ITGA11: variants seen among roughly 807,000 people sequenced by gnomAD.
ITGA11 encodes the protein integrin alpha-11.
A neutral mutation model predicts 141.9 loss-of-function variants in ITGA11; 97 were observed. The observed-to-expected ratio is 0.68, with a 90% CI of 0.58 to 0.81. The LOEUF (loss-of-function observed/expected upper bound fraction) is 0.81. Ranked by LOEUF, ITGA11 falls within the 30% of genes least tolerant of loss-of-function variation. ITGA11 has a pLI of 0.00. For missense variants in ITGA11, 1,387 were observed against 1,559.2 expected (o/e 0.89, Z 1.86); for synonymous variants, 658 against 624.6 (o/e 1.05, Z -0.80).
In ITGA11 at chr15:68,350,707, G is replaced by C. The variant is rs1894880107; in HGVS notation, c.970C>G (p.Pro324Ala). The stretch of plus-strand genomic sequence containing the variant: ...ACATTGAAGAAGTGCTTGTCATCAG[G>C]GTCACTGGCGATGTATTTGATTTCA... ...LNEIKYIASD[P>A]DDKHFFNVTD... The change falls in exon 9 of 30, where the codon CCT becomes GCT. Residue 324 changes from proline to alanine, a missense_variant. Transcript: ENST00000315757. The C allele has an allele frequency of 6.2e-7, 1 of 1,613,774 alleles. No homozygotes were observed. Among genetic ancestry groups the C allele is most frequent in the Non-Finnish European group, 8.5e-7 (1 of 1,179,844 alleles).
intron 20 of ITGA11, among the ~76,000 whole-genome samples, chr15:68,318,898 T>C (rs1441744815): frequency 1.3e-5 from 2 of 152,166 alleles, no homozygotes; most frequent in Non-Finnish European, 2.9e-5. Flanking sequence ...ACACATGACA[T>C]TGATGTCTGA....
intron 20 of ITGA11, among the ~76,000 whole-genome samples, chr15:68,318,573 G>A (rs1893676382): frequency 6.6e-6 from 1 of 152,208 alleles, no homozygotes; most frequent in African/African-American, 2.4e-5. Flanking sequence ...AACTGTGGCT[G>A]CAGATAGGCC....
chr15:68,398,855 A>C (rs1174343871), intron 2 of ITGA11, among the ~76,000 whole-genome samples: 1 of 149,650 alleles, frequency 6.7e-6, no homozygotes, highest in African/African-American at 2.4e-5. Context: ...TTATTAATGC[A>C]ATAAGAGATG....
intron 9 of ITGA11, among the ~76,000 whole-genome samples, chr15:68,349,574 G>A (rs1218895637): frequency 6.6e-6 from 1 of 152,128 alleles, no homozygotes; most frequent in Non-Finnish European, 1.5e-5. Flanking sequence ...TGTTTACGAG[G>A]GCCATTTTAG....
Position 68,298,556 on chromosome 15 carries a change from G to A in ITGA11, c.*4503C>T, listed in dbSNP as rs1445979643. ...TGGGAGGATCACTGAAGTCCAGGAG[G>A]TCGAGGCTGCAGGGAGCTGTGATTG... On this transcript the variant is annotated 3_prime_UTR_variant, in exon 30 of 30. Coordinates refer to ENST00000315757, the MANE Select transcript of ITGA11 (RefSeq NM_001004439.2). 1.3e-5 allele frequency: 2 copies of A among 152,166 alleles called. No homozygotes were observed. The highest frequency in any genetic ancestry group is 2.9e-5 in the Non-Finnish European group (2 of 68,052). 9.4% of individuals were successfully genotyped at this position (152,166 alleles called of 1,614,324 possible). A position where few individuals can be genotyped will look rare whatever the true frequency, so the allele number is the denominator to read the frequency against.
chr15:68,384,394 G>A (rs1187082832), intron 2 of ITGA11, among the ~76,000 whole-genome samples: 4 of 152,106 alleles, frequency 2.6e-5, no homozygotes, highest in African/African-American at 4.8e-5. Context: ...CCCAGACTTC[G>A]CTCTTGGTTC....
chr15:68,367,871 T>C (rs996833787), intron 3 of ITGA11, among the ~76,000 whole-genome samples: 3 of 152,190 alleles, frequency 2.0e-5, no homozygotes, highest in African/African-American at 7.2e-5. Flanking sequence ...GGAAGGGGAC[T>C]CCAGGTTGGC....
chr15:68,325,023 G>A lies in ITGA11; in HGVS notation c.2322+108C>T. 1.2e-6 allele frequency: 1 copy of A among 806,094 alleles called. No homozygotes were observed. 49.9% of individuals were successfully genotyped at this position (806,094 alleles called of 1,614,324 possible). ...GACAGGAGGTGGGAAGGTGAGATGA[G>A]GGATGGTGTCCTCTGTACCCGGCAC... On this transcript the variant is annotated intron_variant, in intron 18 of 29. Transcript: ENST00000315757. The surrounding 1 kb of genome is among the most constrained non-coding windows in gnomAD (Gnocchi z 5.5).
chr15:68,379,275 T>C (rs1895802619), intron 2 of ITGA11, among the ~76,000 whole-genome samples: 1 of 152,216 alleles, frequency 6.6e-6, no homozygotes, highest in African/African-American at 2.4e-5. Context: ...CAGGAAGCCT[T>C]CCTTGATCTC....
At chr15:68,344,044 G>A (rs1169616700) in intron 10 of ITGA11, among the ~76,000 whole-genome samples, 1 of 152,148 alleles carries the variant, frequency 6.6e-6, no homozygotes, top group Non-Finnish European at 1.5e-5. Context: ...TCCTGTCAGA[G>A]GCCCTGGGAA....
chr15:68,302,098 G>GTGTGTGTGTGTT lies in ITGA11; in HGVS notation c.*960_*961insAACACACACACA, dbSNP rs1893050314. On this transcript the variant is annotated 3_prime_UTR_variant, in exon 30 of 30. Coordinates refer to ENST00000315757, the MANE Select transcript of ITGA11 (RefSeq NM_001004439.2). ...TGTGTGTGTGTGTGTGTGTGTGTGT[G>GTGTGTGTGTGTT]TGTGTGTGTGTGTGTGTAGGGAGGG... 1.0e-5 allele frequency: 1 copy of GTGTGTGTGTGTT among 97,528 alleles called. No individual in the cohort carries two copies. Among genetic ancestry groups the GTGTGTGTGTGTT allele is most frequent in the Admixed American group, 1.0e-4 (1 of 10,020 alleles). The allele number at this position is 97,528 out of a possible 1,614,324, so 6.0% of individuals were successfully genotyped here.
chr15:68,360,635 T>C (rs538428922), intron 5 of ITGA11, among the ~76,000 whole-genome samples: 1 of 152,280 alleles, frequency 6.6e-6, no homozygotes, highest in South Asian at 2.1e-4. Flanking sequence ...TCAGGGACCA[T>C]AGGATGGTCA....
chr15:68,363,912 C>A (rs1273575188), intron 4 of ITGA11, among the ~76,000 whole-genome samples: 1 of 152,272 alleles, frequency 6.6e-6, no homozygotes, highest in Non-Finnish European at 1.5e-5. Flanking sequence ...TGCTGTCTGT[C>A]CCCCAAAGTC....
In ITGA11 at chr15:68,311,329, G is replaced by A; in HGVS notation, c.3048C>T (p.Gly1016=). 1 of 1,578,248 alleles carries A rather than the reference G, an allele frequency of 6.3e-7. No homozygotes were observed. Among genetic ancestry groups the A allele is most frequent in the Non-Finnish European group, 8.6e-7 (1 of 1,160,906 alleles). The change falls in exon 25 of 30, where the codon GGC becomes GGT. Residue 1016 remains glycine (G), a synonymous_variant. Transcript: ENST00000315757. ...KITIPIATRS[G]NRLLKLRDFL... ...AGTCCCTCAGCTTCAGTAGGCGGTT[G>A]CCGCTCCTGGTGGCGATGGGAATGG... is the stretch of plus-strand genomic sequence containing the variant.
Position 68,364,065 on chromosome 15 carries a change from T to C in ITGA11, c.357+642A>G, listed in dbSNP as rs115765129. ...CTATGGTAAGTGCTCAGAAACATCA[T>C]TGTTTAAATGAATGAATGTTTCTAC... On this transcript the variant is annotated intron_variant, in intron 4 of 29. Coordinates refer to ENST00000315757, the MANE Select transcript of ITGA11 (RefSeq NM_001004439.2). 7.2e-3 allele frequency among the ~76,000 whole-genome samples: 1,090 copies of C among 152,324 alleles called. 13 individuals carry two copies. The highest frequency in any genetic ancestry group is 0.025 in the African/African-American group (1,021 of 41,566).
chr15:68,357,315 G>C lies in ITGA11; in HGVS notation c.601-16C>G. 1.2e-6 allele frequency: 2 copies of C among 1,605,248 alleles called. No individual in the cohort carries two copies. Among genetic ancestry groups the C allele is most frequent in the Non-Finnish European group, 1.7e-6 (2 of 1,176,524 alleles). On this transcript the variant is annotated splice_polypyrimidine_tract_variant and intron_variant, in intron 6 of 29. Coordinates refer to ENST00000315757, the MANE Select transcript of ITGA11 (RefSeq NM_001004439.2). ...CAACTCCAACCTGCAAGGGAGAGGA[G>C]AGGGCAACAGAACATTTTGACCCCA...
chr15:68,375,137 G>A (rs540544831), intron 2 of ITGA11, among the ~76,000 whole-genome samples: 45 of 152,164 alleles, frequency 3.0e-4, no homozygotes, highest in Non-Finnish European at 6.0e-4. Flanking sequence ...CTCCCCACAG[G>A]AGCCTCTCAC....
intron 14 of ITGA11, 112 bp downstream of exon 14, chr15:68,331,747 T>G: frequency 1.1e-6 from 1 of 941,452 alleles, no homozygotes; most frequent in Non-Finnish European, 1.6e-6. Flanking sequence ...CATCCGTTTC[T>G]GTGAGAGGGC....
intron 2 of ITGA11, among the ~76,000 whole-genome samples, chr15:68,389,065 T>G (rs1447787472): frequency 6.6e-6 from 1 of 152,180 alleles, no homozygotes; most frequent in Admixed American, 6.5e-5. Context: ...TCTGTACTCT[T>G]TCCCATGCTG....
Sources: gnomAD v4.1 joint callset for allele counts (sites outside exome capture counted in the v4.1 genomes callset) on GRCh38, gnomAD v4.1.1 for gene constraint, Gnocchi (gnomAD v3.1) non-coding constraint, MANE v1.5 for transcripts, NCBI Gene and HGNC (gene_info 2026-07-23, HGNC 2026-07-21) for gene names.